QSER1: variants seen among roughly 807,000 people sequenced by gnomAD.
QSER1 encodes glutamine and serine-rich protein 1.
QSER1 carries 49 observed loss-of-function variants against 158.5 expected under a neutral mutation model. The observed-to-expected ratio is 0.31, with a 90% confidence interval of 0.25 to 0.39. QSER1 has a LOEUF of 0.39. QSER1 is among the 10% of genes least tolerant of loss of function. QSER1 has a pLI of 1.00. For synonymous variants in QSER1, 650 were observed against 715.5 expected (o/e 0.91, Z 1.46); for missense variants, 1,754 against 2,010.3 (o/e 0.87, Z 2.44).
chr11:32,964,739 TACACACACACAC>T (rs1176492165), intron 8 of QSER1, among the ~76,000 whole-genome samples: 115 of 100,750 alleles, frequency 1.1e-3, no homozygotes, highest in South Asian at 2.1e-3. Context: ...TATATATATA[TACACACACACAC>T]ACACACACAC....
intron 10 of QSER1, 54 bp downstream of exon 10, chr11:32,969,197 G>T: frequency 1.0e-6 from 1 of 1,003,430 alleles, no homozygotes; most frequent in Non-Finnish European, 1.5e-6. Flanking sequence ...ATAGTCTTAA[G>T]TATAATAGGA....
intron 3 of QSER1, among the ~76,000 whole-genome samples, chr11:32,931,512 C>T (rs893785082): frequency 2.0e-5 from 3 of 151,774 alleles, no homozygotes; most frequent in Non-Finnish European, 4.4e-5. Flanking sequence ...CAAGACTGCA[C>T]TCTAGCCTGG....
intron 8 of QSER1, among the ~76,000 whole-genome samples, chr11:32,963,598 G>A (rs1225104098): frequency 2.0e-5 from 3 of 151,898 alleles, no homozygotes; most frequent in African/African-American, 4.8e-5. Context: ...TGATCCACCC[G>A]CCTCGGCCTC....
chr11:32,968,904 GTCC>G, intron 9 of QSER1, 139 bp from the exon 10 acceptor site: 1 of 533,498 alleles, frequency 1.9e-6, no homozygotes, highest in Middle Eastern at 4.8e-4. Flanking sequence ...AAAGCTTCAT[GTCC>G]AATTTTTTTG....
intron 10 of QSER1, 39 bp downstream of exon 10, chr11:32,969,182 C>A: frequency 9.0e-7 from 1 of 1,116,606 alleles, no homozygotes; most frequent in Non-Finnish European, 1.3e-6. Flanking sequence ...AACTCAATGG[C>A]AGTCATAGTC....
chr11:32,946,095 T>A (rs1294096076), intron 4 of QSER1, among the ~76,000 whole-genome samples: 1 of 152,310 alleles, frequency 6.6e-6, no homozygotes, highest in East Asian at 1.9e-4. Context: ...CGTCAGCTCC[T>A]TTAAGCACTT....
chr11:32,906,380 G>A (rs1395755159), intron 1 of QSER1, among the ~76,000 whole-genome samples: 1 of 152,006 alleles, frequency 6.6e-6, no homozygotes, highest in Non-Finnish European at 1.5e-5. Context: ...CGAGATCGGC[G>A]CCACTGCACT....
At chr11:32,906,240 T>A (rs1851691234) in intron 1 of QSER1, among the ~76,000 whole-genome samples, 1 of 151,646 alleles carries the variant, frequency 6.6e-6, no homozygotes, top group Non-Finnish European at 1.5e-5. Context: ...CTGATTAATA[T>A]GGTGAAACCC....
chr11:32,916,382 CCT>C (rs1026933656), intron 1 of QSER1, among the ~76,000 whole-genome samples: 8 of 152,250 alleles, frequency 5.3e-5, no homozygotes, highest in African/African-American at 1.9e-4. Context: ...CCTAGTTTCC[CCT>C]CTCCCCAGAC....
chr11:32,937,536 CCTTGGCCTCCCAA>C (rs1852170821), intron 4 of QSER1, among the ~76,000 whole-genome samples: 1 of 152,124 alleles, frequency 6.6e-6, no homozygotes, highest in African/African-American at 2.4e-5. Context: ...AGTCCTCCCA[CCTTGGCCTCCCAA>C]AGTGCTGGGA....
intron 1 of QSER1, among the ~76,000 whole-genome samples, chr11:32,925,229 T>C (rs1247712631): frequency 1.3e-5 from 2 of 152,214 alleles, no homozygotes; most frequent in Non-Finnish European, 2.9e-5. Flanking sequence ...ACTTGTTTCC[T>C]TTTGGATGTA....
chr11:32,920,137 T>A (rs1161766844), intron 1 of QSER1, among the ~76,000 whole-genome samples: 2 of 152,236 alleles, frequency 1.3e-5, no homozygotes, highest in Non-Finnish European at 2.9e-5. Flanking sequence ...TGTTCTTTGC[T>A]GCTGGAGTGT....
intron 8 of QSER1, among the ~76,000 whole-genome samples, chr11:32,965,504 A>C (rs1264993831): frequency 6.6e-6 from 1 of 152,218 alleles, no homozygotes; most frequent in African/African-American, 2.4e-5. Context: ...TTACTCATAC[A>C]TTGGATGTCA....
In QSER1 at chr11:32,932,015, A is replaced by G. The variant is rs1190382755; in HGVS notation, c.757A>G (p.Ser253Gly). The G allele has an allele frequency of 6.2e-7, 1 of 1,614,254 alleles. No individual in the cohort carries two copies. Among genetic ancestry groups the G allele is most frequent in the Non-Finnish European group, 8.5e-7 (1 of 1,180,050 alleles). ...TGAGCGCCTGGGCAGTTCTGTATTA[A>G]GTAACAGCATACCACCTCAGTCTTC... ...AFERLGSSVL[S>G]NSIPPQSSTY... Residue 253 changes from serine to glycine, a missense_variant, in exon 4 of 13, where the codon AGT becomes GGT. Transcript: ENST00000650167.
At position 32,934,289 on chromosome 11, in the gene QSER1, G is replaced by A. The variant is rs1852103307; in HGVS notation, c.3031G>A (p.Glu1011Lys). The A allele has an allele frequency of 6.2e-7, 1 of 1,614,046 alleles. No individual in the cohort carries two copies. Among genetic ancestry groups the A allele is most frequent in the Non-Finnish European group, 8.5e-7 (1 of 1,180,000 alleles). Reference sequence around the variant, plus strand: ...TTCAAATGAAACCATGCAGGCTGTTGAAGATGGTGATTCTAAATCTCATTT... The same window carrying A: ...TTCAAATGAAACCATGCAGGCTGTTAAAGATGGTGATTCTAAATCTCATTT... ...STSNETMQAV[E>K]DGDSKSHFQQ... Residue 1011 changes from glutamate (E) to lysine (K), a missense_variant, in exon 4 of 13, where the codon GAA (glutamate) becomes AAA (lysine). Glu to Lys is a moderately conservative substitution (Grantham distance 56, BLOSUM62 1). This residue lies in a region of QSER1 where 1,707 missense variants were observed against 1,919.6 expected (regional missense o/e 0.89). Transcript: ENST00000650167.
At chr11:32,966,822 T>C (rs976257459) in intron 9 of QSER1, among the ~76,000 whole-genome samples, 4 of 152,370 alleles carry the variant, frequency 2.6e-5, no homozygotes, top group African/African-American at 7.2e-5. Flanking sequence ...CATATACTTG[T>C]ATCTTTTGTA....
chr11:32,932,201 T>C lies in QSER1; in HGVS notation c.943T>C (p.Cys315Arg). 6.2e-7 allele frequency: 1 copy of C among 1,614,228 alleles called. No homozygotes were observed. Among genetic ancestry groups the C allele is most frequent in the Non-Finnish European group, 8.5e-7 (1 of 1,180,042 alleles). The change falls in exon 4 of 13, where the codon TGT becomes CGT. Residue 315 changes from cysteine to arginine, a missense_variant. Physicochemically the swap from Cys to Arg is radical, Grantham distance 180. Around this residue, in one of 2 missense-constraint regions of QSER1, gnomAD observed 1,707 missense variants for 1,919.6 expected, o/e 0.89. Coordinates refer to ENST00000650167, the MANE Select transcript of QSER1 (RefSeq NM_001076786.3). ...ASIERALLRE[C>R]SVIKHHQRPS... ...CATTGAAAGAGCTCTTCTTCGAGAA[T>C]GTAGTGTTATTAAACACCATCAGCG...
At chr11:32,964,600 T>C (rs1852690987) in intron 8 of QSER1, among the ~76,000 whole-genome samples, 2 of 151,204 alleles carry the variant, frequency 1.3e-5, no homozygotes, top group Non-Finnish European at 2.9e-5. Flanking sequence ...GCACGGTGGC[T>C]TACAGCTAAT....
intron 1 of QSER1, among the ~76,000 whole-genome samples, chr11:32,924,732 G>T (rs1169324697): frequency 6.6e-6 from 1 of 152,064 alleles, no homozygotes; most frequent in Non-Finnish European, 1.5e-5. Context: ...AACAACCCAG[G>T]TTTGGTTTTA....
Sources: gnomAD v4.1 joint callset for allele counts (sites outside exome capture counted in the v4.1 genomes callset) on GRCh38, gnomAD v4.1.1 for gene constraint, gnomAD v4.1.1 regional missense constraint, MANE v1.5 for transcripts, NCBI Gene and HGNC (gene_info 2026-07-23, HGNC 2026-07-21) for gene names.